CERS2: variants seen among roughly 807,000 people sequenced by gnomAD.
CERS2 encodes LAG1 homolog, ceramide synthase 2.
Under a neutral mutation model 56.6 loss-of-function variants are expected in CERS2, and 20 were observed. That is an observed-to-expected ratio of 0.35 (90% CI 0.25 to 0.51). CERS2 has a LOEUF of 0.51. Among genes scored for constraint, CERS2 ranks in the 20% least tolerant of loss-of-function variants. CERS2 has a pLI of 0.96. For synonymous variants in CERS2, 187 were observed against 175.4 expected, an observed-to-expected ratio of 1.07 and a Z score of -0.52; for missense variants, 361 against 488.6, an observed-to-expected ratio of 0.74 and a Z score of 2.46.
intron 1 of CERS2, among the ~76,000 whole-genome samples, chr1:150,970,134 G>A (rs1671139712): frequency 6.6e-6 from 1 of 151,570 alleles, no homozygotes; most frequent in Admixed American, 6.6e-5. Context: ...AGGCTGAGGT[G>A]GGAGGATCAC....
In CERS2 at chr1:150,965,915, G is replaced by GT; in HGVS notation, c.*232_*233insA. The GT allele has an allele frequency of 2.2e-6, 1 of 445,662 alleles. No individual in the cohort carries two copies. Among genetic ancestry groups the GT allele is most frequent in the South Asian group, 4.4e-5 (1 of 22,490 alleles). The allele number at this position is 445,662 out of a possible 1,614,324, so 27.6% of individuals were successfully genotyped here. ...AAAGGATGACTTGGCGGGTAGGGAG[G>GT]AAAATACGACCGTCCCCCTCTAACA... On this transcript the variant is annotated 3_prime_UTR_variant, in exon 11 of 11. Transcript: ENST00000368954.
chr1:150,968,444 T>C lies in CERS2; in HGVS notation c.242A>G (p.Asn81Ser), dbSNP rs148236098. Residue 81 changes from asparagine to serine, a missense_variant, in exon 3 of 11, where the codon AAC becomes AGC. Transcript: ENST00000368954. ...CAGGTAGAAATGTTCCAAGGTGGCG[T>C]TGGGAGGTGCCCGCAGCCGAGTTTT... ...KEKTRLRAPP[N>S]ATLEHFYLTS... is the part of the protein sequence containing the mutation. 46 of 1,614,120 alleles carry C rather than the reference T, an allele frequency of 2.8e-5. No individual in the cohort carries two copies. Among genetic ancestry groups the C allele is most frequent in the African/African-American group, 8.0e-5 (6 of 75,022 alleles).
chr1:150,966,377 C>A, intron 10 of CERS2, 89 bp from the exon 11 acceptor site: 1 of 1,597,642 alleles, frequency 6.3e-7, no homozygotes, highest in South Asian at 1.1e-5. Context: ...CTGTTATACC[C>A]AGGGCTCCAC....
rs904717025 is a variant in CERS2, at chr1:150,967,609, C to T, written c.519+55G>A. 3 of 1,521,908 alleles carry T rather than the reference C, an allele frequency of 2.0e-6. No individual in the cohort carries two copies. The Admixed American group carries it at 5.0e-5, about 25-fold the overall frequency. The allele number at this position is 1,521,908 out of a possible 1,614,324, so 94.3% of individuals were successfully genotyped here. On this transcript the variant is annotated intron_variant, in intron 6 of 10. Coordinates refer to ENST00000368954, the MANE Select transcript of CERS2 (RefSeq NM_022075.5). ...CTCTGCCATGGATTCCACAAACCGT[C>T]TCTTCACTAGGGTGTGTCTTAGTCC...
chr1:150,968,585 C>G (rs2102769256), intron 2 of CERS2, 73 bp from the exon 3 acceptor site: 2 of 1,228,738 alleles, frequency 1.6e-6, no homozygotes, highest in East Asian at 4.6e-5. Flanking sequence ...GCAACTTTAC[C>G]CTGGCCTCAG....
At chr1:150,968,876 C>G in intron 2 of CERS2, 42 bp downstream of exon 2, 1 of 1,579,968 alleles carries the variant, frequency 6.3e-7, no homozygotes, top group Non-Finnish European at 8.7e-7. Context: ...GAAACTGCAA[C>G]TGGCAACAGG....
At chr1:150,971,594 A>C (rs2102772619) in intron 1 of CERS2, among the ~76,000 whole-genome samples, 1 of 152,252 alleles carries the variant, frequency 6.6e-6, no homozygotes, top group Non-Finnish European at 1.5e-5. Flanking sequence ...GCCAGAATAA[A>C]TATTTAATTA....
chr1:150,968,226 GT>G, intron 3 of CERS2, 25 bp from the exon 4 acceptor site: 2 of 1,602,502 alleles, frequency 1.2e-6, no homozygotes, highest in Non-Finnish European at 1.7e-6. Context: ...GAAGCCCATT[GT>G]TATGTTTACC....
At chr1:150,974,426 C>CGGCGGCCGCCGCCATG (rs1553244401) in intron 1 of CERS2, 193 bp downstream of exon 1, 1 of 148,930 alleles carries the variant, frequency 6.7e-6, no homozygotes, top group East Asian at 2.0e-4. Context: ...CCGCCTTACC[C>CGGCGGCCGCCGCCATG]GGCGGCCGCC....
Position 150,966,588 on chromosome 1 carries a change from G to C in CERS2, c.890C>G (p.Pro297Arg), listed in dbSNP as rs766905816. 4 of 1,614,108 alleles carry C rather than the reference G, an allele frequency of 2.5e-6. No individual in the cohort carries two copies. The highest frequency in any genetic ancestry group is 3.4e-6 in the Non-Finnish European group (4 of 1,179,998). ...GAAGAAGTAATAGCCAAAGAAGGCA[G>C]GATAGAGCTCCAGTGGGTACACCAG... ...CTLVYPLELY[P>R]AFFGYYFFNS... Residue 297 changes from proline to arginine, a missense_variant, in exon 10 of 11, where the codon CCT becomes CGT. Pro to Arg is a moderately radical substitution (Grantham distance 103). Coordinates refer to ENST00000368954, the MANE Select transcript of CERS2 (RefSeq NM_022075.5).
Position 150,967,413 on chromosome 1 carries a change from A to C in CERS2, c.591T>G (p.Ile197Met), listed in dbSNP as rs780710247. ...LSFYWSLLFS[I>M]ASDVKRKDFK... is the part of the protein sequence containing the mutation. Reference sequence around the variant, plus strand: ...CCACCTTTCGCTTGACATCAGAGGCAATGCTGAAGAGCAGGGACCAGTAGA... The same window carrying C: ...CCACCTTTCGCTTGACATCAGAGGCCATGCTGAAGAGCAGGGACCAGTAGA... The change falls in exon 7 of 11, where the codon ATT becomes ATG. Residue 197 changes from isoleucine (I) to methionine (M), a missense_variant. Coordinates refer to ENST00000368954, the MANE Select transcript of CERS2 (RefSeq NM_022075.5). The C allele has an allele frequency of 2.9e-5, 46 of 1,600,556 alleles. No homozygotes were observed. The highest frequency in any genetic ancestry group is 3.6e-5 in the Non-Finnish European group (42 of 1,167,832).
intron 2 of CERS2, 77 bp from the exon 3 acceptor site, chr1:150,968,589 G>C (rs1011003608): frequency 1.7e-6 from 2 of 1,177,714 alleles, no homozygotes; most frequent in African/African-American, 3.0e-5. Context: ...CTTTACCCTG[G>C]CCTCAGTTTC....
At chr1:150,972,309 C>A (rs1450668514) in intron 1 of CERS2, among the ~76,000 whole-genome samples, 1 of 152,210 alleles carries the variant, frequency 6.6e-6, no homozygotes, top group African/African-American at 2.4e-5. Context: ...CTACCCCCAT[C>A]TCCCCAGCAG....
In CERS2 at chr1:150,966,484, T is replaced by G. The variant is rs991304680; in HGVS notation, c.994A>C (p.Thr332Pro). The change falls in exon 10 of 11, where the codon ACT becomes CCT. Residue 332 changes from threonine to proline, a missense_variant. By Grantham distance (38) the Thr-to-Pro change is conservative (BLOSUM62 -1). This residue lies in a region of CERS2 where 122 missense variants were observed against 151.9 expected (regional missense o/e 0.80). Transcript: ENST00000368954. ...TGGGAACAGGGCTTCACCTTTCCAG[T>G]TATGAACTTGTGGGCCATGCGCAAA... ...LILRMAHKFI[T>P]GKLVEDERSD... is the part of the protein sequence containing the mutation. 2 of 1,614,008 alleles carry G rather than the reference T, an allele frequency of 1.2e-6. No homozygotes were observed. The highest frequency in any genetic ancestry group is 1.7e-6 in the Non-Finnish European group (2 of 1,180,026).
Position 150,967,440 on chromosome 1 carries a change from G to A in CERS2, c.564C>T (p.Ser188=), listed in dbSNP as rs773694437. Residue 188 remains serine (S), a synonymous_variant, in exon 7 of 11, where the codon TCC becomes TCT. Transcript: ENST00000368954. ...SQYWYYMIEL[S]FYWSLLFSIA... is the part of the protein sequence containing the mutation. ...TGCTGAAGAGCAGGGACCAGTAGAA[G>A]GAAAGTTCAATCATGTAGTACCAAT... 1.4e-5 allele frequency: 22 copies of A among 1,604,898 alleles called. 1 individual carries two copies. The South Asian group carries it at 2.3e-4, about 17-fold the overall frequency.
At position 150,968,437 on chromosome 1, in the gene CERS2, G is replaced by C. The variant is rs746379499; in HGVS notation, c.249C>G (p.Thr83=). ...CACTGGTCAGGTAGAAATGTTCCAA[G>C]GTGGCGTTGGGAGGTGCCCGCAGCC... ...KTRLRAPPNA[T]LEHFYLTSGK... is the part of the protein sequence containing the mutation. Residue 83 remains threonine, a synonymous_variant, in exon 3 of 11, where the codon ACC becomes ACG. Coordinates refer to ENST00000368954, the MANE Select transcript of CERS2 (RefSeq NM_022075.5). 6.2e-7 allele frequency: 1 copy of C among 1,614,208 alleles called. No homozygotes were observed. Among genetic ancestry groups the C allele is most frequent in the South Asian group, 1.1e-5 (1 of 91,088 alleles).
chr1:150,968,823 G>T, intron 2 of CERS2, 95 bp downstream of exon 2: 1 of 1,241,662 alleles, frequency 8.1e-7, no homozygotes, highest in Non-Finnish European at 1.1e-6. Flanking sequence ...GAACATCAGG[G>T]TCAAGGGCTA....
intron 2 of CERS2, 67 bp from the exon 3 acceptor site, chr1:150,968,579 C>A (rs1671092096): frequency 6.3e-6 from 8 of 1,274,868 alleles, no homozygotes; most frequent in Admixed American, 3.4e-5. Context: ...GCTAAGGCAA[C>A]TTTACCCTGG....
chr1:150,973,253 G>C (rs1333266421), intron 1 of CERS2: 1 of 152,326 alleles, frequency 6.6e-6, no homozygotes, highest in Admixed American at 6.5e-5. Flanking sequence ...AGTCAGAACA[G>C]TAGTCCTCAG....
Sources: gnomAD v4.1 joint callset for allele counts (sites outside exome capture counted in the v4.1 genomes callset) on GRCh38, gnomAD v4.1.1 for gene constraint, gnomAD v4.1.1 regional missense constraint, MANE v1.5 for transcripts, NCBI Gene and HGNC (gene_info 2026-07-23, HGNC 2026-07-21) for gene names.